Variants in ENTREP2 observed in about 807,000 individuals in gnomAD.
ENTREP2 encodes the protein protein ENTREP2.
At chr15:29,222,775 C>G in the ENTREP2 span, among the ~76,000 whole-genome samples, 1 of 152,202 alleles carries the variant, frequency 6.6e-6, no homozygotes, top group Non-Finnish European at 1.5e-5. Context: ...GCTCACCCCA[C>G]TAGGAATTAC....
At chr15:29,362,132 C>A in the ENTREP2 span, among the ~76,000 whole-genome samples, 1 of 152,186 alleles carries the variant, frequency 6.6e-6, no homozygotes, top group African/African-American at 2.4e-5. Flanking sequence ...CAGTGCTGTT[C>A]CACAGACCTT....
At chr15:29,491,691 T>G in the ENTREP2 span, among the ~76,000 whole-genome samples, 3 of 152,146 alleles carry the variant, frequency 2.0e-5, no homozygotes, top group African/African-American at 7.2e-5. Context: ...AGCCCAAAGT[T>G]GTTGGGAGAA....
chr15:29,294,476 C>T, the ENTREP2 span, among the ~76,000 whole-genome samples: 1 of 152,202 alleles, frequency 6.6e-6, no homozygotes, highest in Admixed American at 6.5e-5. Context: ...CCTGGGCCTC[C>T]ACAGTGGGGA....
chr15:29,382,580 T>C, the ENTREP2 span, among the ~76,000 whole-genome samples: 1 of 152,150 alleles, frequency 6.6e-6, no homozygotes, highest in African/African-American at 2.4e-5. Context: ...GTCCTGCCCT[T>C]GACCTTGCCT....
chr15:29,387,534 G>T, the ENTREP2 span, among the ~76,000 whole-genome samples: 1 of 152,166 alleles, frequency 6.6e-6, no homozygotes, highest in Non-Finnish European at 1.5e-5. Flanking sequence ...CGTGAAAATG[G>T]ACATAATGCC....
the ENTREP2 span, among the ~76,000 whole-genome samples, chr15:29,302,964 C>G: frequency 6.6e-6 from 1 of 152,156 alleles, no homozygotes; most frequent in African/African-American, 2.4e-5. Context: ...TGAGCTGAGG[C>G]TGATCCCAGC....
the ENTREP2 span, among the ~76,000 whole-genome samples, chr15:29,153,768 CTGAAAGTTT>C: frequency 1.3e-5 from 2 of 152,066 alleles, no homozygotes; most frequent in South Asian, 4.1e-4. Flanking sequence ...CCATTTTTTT[CTGAAAGTTT>C]TTATAGTTTC....
the ENTREP2 span, among the ~76,000 whole-genome samples, chr15:29,453,506 C>T: frequency 6.6e-6 from 1 of 152,348 alleles, no homozygotes; most frequent in African/African-American, 2.4e-5. Flanking sequence ...GCTAGCTTTG[C>T]CCCAGCAAAT....
the ENTREP2 span, among the ~76,000 whole-genome samples, chr15:29,511,332 CTTTTT>C: frequency 8.6e-6 from 1 of 115,916 alleles, no homozygotes; most frequent in African/African-American, 3.6e-5. Flanking sequence ...TTTTCTTCTT[CTTTTT>C]TCTTTTCTTT....
the ENTREP2 span, among the ~76,000 whole-genome samples, chr15:29,642,048 C>T: frequency 6.6e-6 from 1 of 151,972 alleles, no homozygotes; most frequent in African/African-American, 2.4e-5. Context: ...GTTAACATGG[C>T]AATATTACCC....
At chr15:29,233,629 C>A in the ENTREP2 span, 1 of 764,320 alleles carries the variant, frequency 1.3e-6, no homozygotes, top group East Asian at 2.5e-5. Context: ...GAAAGGTGTG[C>A]GAGAGCTTAG....
chr15:29,288,751 A>G, the ENTREP2 span, among the ~76,000 whole-genome samples: 1 of 152,188 alleles, frequency 6.6e-6, no homozygotes, highest in Non-Finnish European at 1.5e-5. Flanking sequence ...ACTCTCTATG[A>G]TGTCTACACA....
At chr15:29,605,654 T>G in the ENTREP2 span, among the ~76,000 whole-genome samples, 89 of 152,126 alleles carry the variant, frequency 5.9e-4, no homozygotes, top group Middle Eastern at 3.4e-3. Context: ...CTGGCCAACA[T>G]GGTGAAACCC....
At chr15:29,378,107 A>C in the ENTREP2 span, among the ~76,000 whole-genome samples, 1 of 152,060 alleles carries the variant, frequency 6.6e-6, no homozygotes, top group African/African-American at 2.4e-5. Context: ...TTTGGGAGTC[A>C]GAGAGGTTTG....
the ENTREP2 span, among the ~76,000 whole-genome samples, chr15:29,569,260 C>T: frequency 0.67 from 101,845 of 151,954 alleles, 34,824 homozygotes; most frequent in South Asian, 0.81. Flanking sequence ...AAATACGCTT[C>T]GAAAATTAAT....
the ENTREP2 span, among the ~76,000 whole-genome samples, chr15:29,618,149 C>T: frequency 6.6e-6 from 1 of 152,232 alleles, no homozygotes; most frequent in African/African-American, 2.4e-5. Context: ...AGAGGCCGGG[C>T]GTGGTAGCTC....
chr15:29,343,573 G>GCT, the ENTREP2 span, among the ~76,000 whole-genome samples: 100,681 of 150,428 alleles, frequency 0.67, 35,410 homozygotes, highest in Middle Eastern at 0.81. Flanking sequence ...AAAACCAGGC[G>GCT]CTCTCTCTCT....
chr15:29,320,518 G>A, the ENTREP2 span, among the ~76,000 whole-genome samples: 1 of 152,314 alleles, frequency 6.6e-6, no homozygotes, highest in African/African-American at 2.4e-5. Context: ...AAAAAAGTCT[G>A]AGGAGACAGA....
chr15:29,489,446 AAC>A, the ENTREP2 span, among the ~76,000 whole-genome samples: 1 of 152,162 alleles, frequency 6.6e-6, no homozygotes, highest in East Asian at 1.9e-4. Flanking sequence ...GATCTTTATC[AAC>A]AGTCAGCAAC....
Sources: gnomAD v4.1 joint callset for allele counts (sites outside exome capture counted in the v4.1 genomes callset) on GRCh38, gnomAD v4.1.1 for gene constraint, MANE v1.5 for transcripts, NCBI Gene and HGNC (gene_info 2026-07-23, HGNC 2026-07-21) for gene names.